The following PLEKHA5 variants were observed in gnomAD, a reference collection of about 807,000 sequenced individuals.
The protein encoded by PLEKHA5 is pleckstrin homology domain containing A5, also known as pleckstrin homology domain-containing family A member 5.
In PLEKHA5, 55 loss-of-function variants were observed where a neutral mutation model predicts 181.9. The observed-to-expected ratio is 0.30, with a 90% CI of 0.24 to 0.38. The LOEUF is 0.38. PLEKHA5 is among the 10% of genes least tolerant of loss of function. The pLI is 1.00. For synonymous variants in PLEKHA5, 535 were observed against 529.4 expected (o/e 1.01, Z -0.15); for missense variants, 1,432 against 1,549.5 (o/e 0.92, Z 1.27).
intron 15 of PLEKHA5, among the ~76,000 whole-genome samples, chr12:19,309,283 G>A (rs1347511676): frequency 6.6e-6 from 1 of 151,746 alleles, no homozygotes; most frequent in Non-Finnish European, 1.5e-5. Flanking sequence ...TAAGATGTTT[G>A]GGAATTTTTT....
chr12:19,213,337 G>A (rs989909017), intron 3 of PLEKHA5, among the ~76,000 whole-genome samples: 2 of 152,212 alleles, frequency 1.3e-5, no homozygotes, highest in Admixed American at 6.5e-5. Flanking sequence ...GAAAAGCAGG[G>A]ATGTGTGGCA....
chr12:19,186,645 G>GT (rs1314591160), intron 3 of PLEKHA5, among the ~76,000 whole-genome samples: 1 of 152,202 alleles, frequency 6.6e-6, no homozygotes, highest in African/African-American at 2.4e-5. Flanking sequence ...CTCTGGTCAT[G>GT]TTTTTTTGAA....
chr12:19,244,097 A>G (rs992028663), intron 3 of PLEKHA5, among the ~76,000 whole-genome samples: 2 of 152,232 alleles, frequency 1.3e-5, no homozygotes, highest in South Asian at 2.1e-4. Flanking sequence ...CTTGACTAGC[A>G]TAGGCTGAGT....
rs1346723757 is a variant in PLEKHA5 at position 19,322,758 on chromosome 12, GA to G, written c.2448+92del. 8 of 784,818 alleles carry G rather than the reference GA, an allele frequency of 1.0e-5. No individual in the cohort carries two copies. In the East Asian group the frequency reaches 2.1e-4, roughly 20 times the overall value. 48.6% of individuals were successfully genotyped at this position (784,818 alleles called of 1,614,324 possible). A position where few individuals can be genotyped will look rare whatever the true frequency, so the allele number is the denominator to read the frequency against. ...TTTTTTAATACTGGGCTCTCTTTAG[GA>G]TTCTTCTATATTATTATAGCAGAAA... On this transcript the variant is annotated intron_variant, in intron 20 of 31. Transcript: ENST00000429027.
chr12:19,225,903 C>T (rs1278739943), intron 3 of PLEKHA5, among the ~76,000 whole-genome samples: 2 of 152,064 alleles, frequency 1.3e-5, no homozygotes, highest in Non-Finnish European at 2.9e-5. Context: ...GAAAATTGTG[C>T]GATTAAAGCA....
Position 19,322,378 on chromosome 12 carries a change from C to T in PLEKHA5, c.2286C>T (p.Leu762=), listed in dbSNP as rs139664305. The change falls in exon 19 of 32, where the codon CTC becomes CTT. Residue 762 remains leucine (L), a synonymous_variant. Transcript: ENST00000429027. The stretch of plus-strand genomic sequence containing the variant: ...CTCTGGAAGAGAAACTTCAGCAACT[C>T]CACAAGGAGAAAGTAGGACAATTAT... ...VHALEEKLQQ[L]HKEKYTLEQA... 5.0e-6 allele frequency: 8 copies of T among 1,610,838 alleles called. No individual in the cohort carries two copies. The highest frequency in any genetic ancestry group is 6.8e-6 in the Non-Finnish European group (8 of 1,177,152).
At chr12:19,282,658 A>T (rs995129561) in intron 11 of PLEKHA5, among the ~76,000 whole-genome samples, 3 of 152,212 alleles carry the variant, frequency 2.0e-5, no homozygotes, top group African/African-American at 7.2e-5. Flanking sequence ...GAGTTTATTT[A>T]TATAAAAACA....
intron 22 of PLEKHA5, 119 bp downstream of exon 22, chr12:19,343,553 T>G (rs528415385): frequency 1.5e-6 from 1 of 683,400 alleles, no homozygotes; most frequent in Admixed American, 2.3e-5. Context: ...ACAATCAGAG[T>G]GTACTTAAAC....
At chr12:19,174,538 A>G (rs2046734788) in intron 3 of PLEKHA5, among the ~76,000 whole-genome samples, 1 of 152,262 alleles carries the variant, frequency 6.6e-6, no homozygotes, top group Admixed American at 6.5e-5. Flanking sequence ...ATGCTCTAAG[A>G]AAAACATTGC....
Position 19,353,959 on chromosome 12 carries a change from A to T in PLEKHA5, c.3095A>T (p.Tyr1032Phe). The part of the protein sequence containing the change: ...PTPESSTIAS[Y>F]VTLRKTKKMM... Reference sequence around the variant, plus strand: ...CCCGAATCTTCGACAATAGCTTCCTATGTAACCTTGAGGAAAACTAAGAAG... The same window carrying T: ...CCCGAATCTTCGACAATAGCTTCCTTTGTAACCTTGAGGAAAACTAAGAAG... Residue 1032 changes from tyrosine (Y) to phenylalanine (F), a missense_variant, in exon 26 of 32, where the codon TAT (tyrosine) becomes TTT (phenylalanine). By Grantham distance (22) the Tyr-to-Phe change is conservative. Coordinates refer to ENST00000429027, the MANE Select transcript of PLEKHA5 (RefSeq NM_001256470.2). 2 of 1,608,430 alleles carry T rather than the reference A, an allele frequency of 1.2e-6. No individual in the cohort carries two copies. Among genetic ancestry groups the T allele is most frequent in the Non-Finnish European group, 1.7e-6 (2 of 1,175,008 alleles).
chr12:19,351,460 T>C (rs1158108069), intron 25 of PLEKHA5, among the ~76,000 whole-genome samples: 2 of 152,152 alleles, frequency 1.3e-5, no homozygotes, highest in African/African-American at 4.8e-5. Context: ...AGGAGGAAGT[T>C]TATTGATATT....
At chr12:19,272,298 T>G (rs1235582452) in intron 10 of PLEKHA5, among the ~76,000 whole-genome samples, 2 of 152,196 alleles carry the variant, frequency 1.3e-5, no homozygotes, top group Admixed American at 1.3e-4. Context: ...ATCACAAGTT[T>G]TATATTATTT....
intron 13 of PLEKHA5, chr12:19,288,205 G>A (rs1018060823): frequency 5.1e-6 from 1 of 196,298 alleles, no homozygotes; most frequent in Non-Finnish European, 1.1e-5. Flanking sequence ...GCAGTTATTT[G>A]TAGTCAAACT....
At chr12:19,194,994 C>T (rs773605408) in intron 3 of PLEKHA5, among the ~76,000 whole-genome samples, 3 of 152,164 alleles carry the variant, frequency 2.0e-5, no homozygotes, top group Non-Finnish European at 4.4e-5. Flanking sequence ...GTCTATTGGG[C>T]ATTTATACTG....
intron 16 of PLEKHA5, among the ~76,000 whole-genome samples, chr12:19,316,720 C>G (rs940495633): frequency 2.6e-5 from 4 of 152,082 alleles, no homozygotes; most frequent in African/African-American, 7.2e-5. Context: ...AATTATTAAG[C>G]AGGGCATCCT....
At chr12:19,230,852 G>A (rs1030805075) in intron 3 of PLEKHA5, among the ~76,000 whole-genome samples, 24 of 152,206 alleles carry the variant, frequency 1.6e-4, no homozygotes, top group Admixed American at 7.8e-4. Context: ...CAGAGTGGGC[G>A]CCGAGGCCAA....
At chr12:19,159,864 T>G (rs2042575084) in intron 3 of PLEKHA5, among the ~76,000 whole-genome samples, 1 of 152,156 alleles carries the variant, frequency 6.6e-6, no homozygotes, top group Non-Finnish European at 1.5e-5. Context: ...AATTCATTTT[T>G]TATGTATATA....
intron 20 of PLEKHA5, among the ~76,000 whole-genome samples, chr12:19,335,764 T>C (rs1429387096): frequency 1.3e-5 from 2 of 151,878 alleles, no homozygotes; most frequent in Non-Finnish European, 2.9e-5. Context: ...TCCAAGTAGC[T>C]AGGACCACAG....
intron 6 of PLEKHA5, among the ~76,000 whole-genome samples, chr12:19,258,431 A>G (rs552581268): frequency 1.3e-5 from 2 of 152,186 alleles, no homozygotes; most frequent in South Asian, 4.1e-4. Context: ...CTTTCAGGTG[A>G]CCTAATGATT....
Sources: allele counts gnomAD v4.1 joint callset (sites outside exome capture counted in the v4.1 genomes callset), GRCh38; gene constraint gnomAD v4.1.1; transcripts MANE v1.5; gene names NCBI Gene and HGNC (gene_info 2026-07-23, HGNC 2026-07-21).